GARNL3: variants seen among roughly 807,000 people sequenced by gnomAD.
GARNL3 encodes GTPase activating Rap/RanGAP domain like 3.
In GARNL3, 63 loss-of-function variants were observed where a neutral mutation model predicts 125.0. The ratio of observed to expected loss-of-function variants is 0.50; its 90% CI spans 0.41 to 0.62. The LOEUF (loss-of-function observed/expected upper bound fraction) is 0.62, where lower values mean the gene tolerates loss of function less well. Ranked by LOEUF, GARNL3 falls within the 20% of genes least tolerant of loss-of-function variation. GARNL3 has a pLI of 0.00. For missense variants in GARNL3, 994 were observed against 1,244.0 expected (o/e 0.80, Z 3.02); for synonymous variants, 439 against 457.5 (o/e 0.96, Z 0.52).
intron 1 of GARNL3, among the ~76,000 whole-genome samples, chr9:127,231,010 GTATA>G (rs1367594016): frequency 8.0e-6 from 1 of 124,422 alleles, no homozygotes; most frequent in African/African-American, 3.1e-5. Context: ...ACACATATGT[GTATA>G]TATACATATA....
At position 127,385,977 on chromosome 9, in the gene GARNL3, G is replaced by A. The variant is rs1449366518; in HGVS notation, c.2388+832G>A. Among the ~76,000 whole-genome samples, 2 of 152,196 alleles carry A rather than the reference G, an allele frequency of 1.3e-5. No homozygotes were observed. Among genetic ancestry groups the A allele is most frequent in the Non-Finnish European group, 2.9e-5 (2 of 68,034 alleles). The stretch of plus-strand genomic sequence containing the variant: ...GATATGTGTACATATCTGCATGTAT[G>A]TATCATATGCGTGTACATTAGTTGA... On this transcript the variant is annotated intron_variant, in intron 24 of 27. Transcript: ENST00000373387. The surrounding 1 kb of genome is among the most constrained non-coding windows in gnomAD (Gnocchi z 4.1).
intron 22 of GARNL3, among the ~76,000 whole-genome samples, chr9:127,381,741 C>G (rs895712949): frequency 8.6e-5 from 13 of 150,496 alleles, no homozygotes; most frequent in African/African-American, 2.5e-4. Flanking sequence ...GGACTACAGG[C>G]GCCCGCCACC....
At chr9:127,238,814 T>C (rs1391557733) in intron 1 of GARNL3, among the ~76,000 whole-genome samples, 2 of 152,190 alleles carry the variant, frequency 1.3e-5, no homozygotes, top group African/African-American at 2.4e-5. Flanking sequence ...GCGTTTCTCA[T>C]AGGTCCTGTG....
Position 127,392,030 on chromosome 9 carries a change from G to T in GARNL3, c.2871-1053G>T, listed in dbSNP as rs541806142. 1.2e-4 allele frequency among the ~76,000 whole-genome samples: 19 copies of T among 152,322 alleles called. No individual in the cohort carries two copies. In the South Asian group the frequency reaches 2.5e-3, roughly 20 times the overall value. On this transcript the variant is annotated intron_variant, in intron 27 of 27. Coordinates refer to ENST00000373387, the MANE Select transcript of GARNL3 (RefSeq NM_032293.5). The surrounding 1 kb of genome is among the most constrained non-coding windows in gnomAD (Gnocchi z 5.2). ...AAGCCCCCACCTGTGCCTTCAAGGG[G>T]TTCCCAGGCCAGTGGCAAAGACCAA...
At chr9:127,354,862 G>A (rs1355268523) in intron 19 of GARNL3, among the ~76,000 whole-genome samples, 3 of 152,070 alleles carry the variant, frequency 2.0e-5, no homozygotes, top group Non-Finnish European at 4.4e-5. Flanking sequence ...GCACAATCTC[G>A]GCTCACTACA....
intron 4 of GARNL3, among the ~76,000 whole-genome samples, chr9:127,314,241 G>A (rs766320539): frequency 4.6e-5 from 7 of 152,178 alleles, no homozygotes; most frequent in Non-Finnish European, 8.8e-5. Flanking sequence ...GAGGAGGCAG[G>A]ACCATTGCCA....
intron 2 of GARNL3, among the ~76,000 whole-genome samples, chr9:127,251,899 T>C (rs2063411579): frequency 6.6e-6 from 1 of 152,148 alleles, no homozygotes; most frequent in African/African-American, 2.4e-5. Context: ...CCCCCTCCCC[T>C]TAACTGCACC....
At chr9:127,225,895 G>A (rs2062904190) in intron 1 of GARNL3, among the ~76,000 whole-genome samples, 1 of 151,524 alleles carries the variant, frequency 6.6e-6, no homozygotes, top group Non-Finnish European at 1.5e-5. Context: ...GGCGCCCCTA[G>A]GCTGCTCTTC....
chr9:127,247,617 C>CT (rs1023067413), intron 2 of GARNL3, among the ~76,000 whole-genome samples: 2 of 151,704 alleles, frequency 1.3e-5, no homozygotes, highest in Admixed American at 6.6e-5. Flanking sequence ...ATTTTTTTAC[C>CT]TTTTTTTTAT....
intron 7 of GARNL3, among the ~76,000 whole-genome samples, chr9:127,327,078 A>G (rs1397811856): frequency 6.6e-6 from 1 of 152,268 alleles, no homozygotes; most frequent in African/African-American, 2.4e-5. Flanking sequence ...AGCAACTCAC[A>G]GGACATTATT....
At chr9:127,236,787 C>T (rs2063121240) in intron 1 of GARNL3, among the ~76,000 whole-genome samples, 1 of 152,188 alleles carries the variant, frequency 6.6e-6, no homozygotes, top group South Asian at 2.1e-4. Flanking sequence ...ATTCCTAGTG[C>T]TTTGAGCAGG....
intron 3 of GARNL3, 114 bp from the exon 4 acceptor site, chr9:127,313,327 G>A (rs1297082666): frequency 1.2e-5 from 9 of 779,124 alleles, no homozygotes; most frequent in Non-Finnish European, 2.1e-5. Flanking sequence ...CTGGCTTTGG[G>A]ATTATTGTTC....
At chr9:127,345,895 G>A (rs1417395017) in intron 16 of GARNL3, among the ~76,000 whole-genome samples, 1 of 152,352 alleles carries the variant, frequency 6.6e-6, no homozygotes, top group East Asian at 1.9e-4. Context: ...TAAACAGCAA[G>A]GCTCCTGGGC....
intron 7 of GARNL3, 129 bp downstream of exon 7, chr9:127,325,224 T>A (rs914986220): frequency 2.4e-6 from 2 of 848,112 alleles, no homozygotes; most frequent in African/African-American, 3.5e-5. Context: ...GTGGGACACA[T>A]TGCGCGGAAA....
chr9:127,238,008 T>C (rs1205877602), intron 1 of GARNL3, among the ~76,000 whole-genome samples: 1 of 152,146 alleles, frequency 6.6e-6, no homozygotes, highest in Non-Finnish European at 1.5e-5. Context: ...TGGAGCAGGT[T>C]TCCCATCCGC....
upstream of GARNL3, among the ~76,000 whole-genome samples, chr9:127,260,062 T>C (rs913805919): frequency 2.6e-4 from 39 of 152,182 alleles, no homozygotes; most frequent in African/African-American, 8.9e-4. Context: ...TTATTCTTTA[T>C]AACCCTGCTA....
At chr9:127,299,152 T>A (rs2064700341) in intron 2 of GARNL3, among the ~76,000 whole-genome samples, 1 of 151,904 alleles carries the variant, frequency 6.6e-6, no homozygotes, top group South Asian at 2.1e-4. Context: ...CCGTCTCTAC[T>A]AAAAATACAA....
Position 127,388,916 on chromosome 9 carries a change from C to T in GARNL3, c.2540C>T (p.Ser847Leu), listed in dbSNP as rs1413376381. Residue 847 changes from serine to leucine, a missense_variant, in exon 26 of 28, where the codon TCA becomes TTA. This residue lies in a region of GARNL3 where 728 missense variants were observed against 865.7 expected (regional missense o/e 0.84). Transcript: ENST00000373387. Reference sequence around the variant, plus strand: ...AATCACATTTCAGGTGAAATTCAATCAAAAAATCTGTACAAGATTCCACTT... The same window carrying T: ...AATCACATTTCAGGTGAAATTCAATTAAAAAATCTGTACAAGATTCCACTT... ...PSSLGEGEIQ[S>L]KNLYKIPLRN... 1 of 1,601,576 alleles carries T rather than the reference C, an allele frequency of 6.2e-7. No homozygotes were observed. Among genetic ancestry groups the T allele is most frequent in the Non-Finnish European group, 8.6e-7 (1 of 1,168,618 alleles).
intron 10 of GARNL3, 60 bp downstream of exon 10, chr9:127,335,393 G>A: frequency 7.8e-7 from 1 of 1,283,616 alleles, no homozygotes; most frequent in Non-Finnish European, 1.1e-6. Flanking sequence ...GCACCATTAT[G>A]ATTCCATAGA....
Sources: gnomAD v4.1 joint callset for allele counts (sites outside exome capture counted in the v4.1 genomes callset) on GRCh38, gnomAD v4.1.1 for gene constraint, gnomAD v4.1.1 regional missense constraint, Gnocchi (gnomAD v3.1) non-coding constraint, MANE v1.5 for transcripts, NCBI Gene and HGNC (gene_info 2026-07-23, HGNC 2026-07-21) for gene names.